TNRC6C: variants seen among roughly 807,000 people sequenced by gnomAD.
The protein encoded by TNRC6C is trinucleotide repeat containing adaptor 6C.
Under a neutral mutation model 153.7 loss-of-function variants are expected in TNRC6C, and 20 were observed. The observed-to-expected ratio is 0.13, with a 90% confidence interval of 0.09 to 0.19. The LOEUF (loss-of-function observed/expected upper bound fraction) is 0.19, where lower values mean the gene tolerates loss of function less well. Ranked by LOEUF, TNRC6C falls within the 10% of genes least tolerant of loss-of-function variation. The pLI, the probability that TNRC6C is intolerant of heterozygous loss-of-function variation, is 1.00. For synonymous variants in TNRC6C, 811 were observed against 841.4 expected (o/e 0.96, Z 0.63); for missense variants, 1,987 against 2,172.0 (o/e 0.91, Z 1.69).
rs557917220 is a variant in TNRC6C, at chr17:77,995,883, G to A, written c.-37-8287G>A. 2.6e-5 allele frequency among the ~76,000 whole-genome samples: 4 copies of A among 152,240 alleles called. 1 individual carries two copies. Among genetic ancestry groups the A allele is most frequent in the African/African-American group, 9.6e-5 (4 of 41,522 alleles). On this transcript the variant is annotated intron_variant, in intron 1 of 22. Coordinates refer to the TNRC6C transcript ENST00000636222. The stretch of plus-strand genomic sequence containing the variant: ...TTAAAACTCCCATACTTCTAGCATG[G>A]GCAACACAGCAAGACACTGTCTCCA...
chr17:77,971,382 C>G (rs962755474), intron 1 of TNRC6C, among the ~76,000 whole-genome samples: 1 of 152,182 alleles, frequency 6.6e-6, no homozygotes, highest in Non-Finnish European at 1.5e-5. Flanking sequence ...TTTCTCTTCT[C>G]TATTCATTCC....
At chr17:78,039,270 T>C (rs1380229235) in intron 2 of TNRC6C, among the ~76,000 whole-genome samples, 1 of 151,316 alleles carries the variant, frequency 6.6e-6, no homozygotes, top group Non-Finnish European at 1.5e-5. Flanking sequence ...GAACTTTTGC[T>C]AGGCTGCAGG....
chr17:77,957,629 C>T (rs2070817988), upstream of TNRC6C, among the ~76,000 whole-genome samples: 1 of 152,244 alleles, frequency 6.6e-6, no homozygotes, highest in Admixed American at 6.5e-5. Flanking sequence ...TTCCAAGTAG[C>T]ACTGCTGATC....
intron 1 of TNRC6C, among the ~76,000 whole-genome samples, chr17:77,979,618 A>T (rs2071045971): frequency 6.6e-6 from 1 of 152,178 alleles, no homozygotes; most frequent in Admixed American, 6.5e-5. Context: ...TAAAATACTT[A>T]TAATTGGAAT....
intron 6 of TNRC6C, 146 bp from the exon 9 acceptor site, chr17:78,072,891 T>C (rs887561144): frequency 1.9e-5 from 10 of 531,210 alleles, no homozygotes; most frequent in East Asian, 3.1e-5. Context: ...TCAAAAGACA[T>C]TGTCTCTAAC....
chr17:78,067,664 T>C (rs2072908555), intron 4 of TNRC6C, 93 bp from the exon 7 acceptor site: 1 of 1,379,942 alleles, frequency 7.2e-7, no homozygotes, highest in Non-Finnish European at 9.7e-7. Context: ...AATGCATCAT[T>C]TGTCCCACGA....
At chr17:78,036,850 G>A (rs1366612883) in intron 2 of TNRC6C, among the ~76,000 whole-genome samples, 4 of 151,656 alleles carry the variant, frequency 2.6e-5, no homozygotes, top group Admixed American at 6.6e-5. Context: ...CTTGAATCCA[G>A]GAGGCAGAGG....
intron 1 of TNRC6C, among the ~76,000 whole-genome samples, chr17:77,993,321 C>T (rs548323458): frequency 6.6e-6 from 1 of 152,296 alleles, no homozygotes; most frequent in Admixed American, 6.5e-5. Context: ...ATTAGCAGTA[C>T]ATTGACTTTA....
chr17:78,049,152 C>A lies in TNRC6C; in HGVS notation c.90C>A (p.Ser30Arg). 6.2e-7 allele frequency: 1 copy of A among 1,611,250 alleles called. No individual in the cohort carries two copies. Residue 30 changes from serine (S) to arginine (R), a missense_variant, in exon 3 of 20, where the codon AGC becomes AGA. Physicochemically the swap from Ser to Arg is moderately radical, Grantham distance 110. This residue lies in a region of TNRC6C where 1,052 missense variants were observed against 1,017.0 expected (regional missense o/e 1.03). Coordinates refer to ENST00000301624, the Ensembl canonical transcript of TNRC6C. The surrounding 1 kb of genome is among the most constrained non-coding windows in gnomAD (Gnocchi z 4.1). ...GCACCAATGGCGCACTCGTCCAAAG[C>A]CCTTCTAATCAGAGTGCCCTTGGAG...
At chr17:78,101,810 G>T (rs1056358630) in intron 17 of TNRC6C, among the ~76,000 whole-genome samples, 34 of 152,206 alleles carry the variant, frequency 2.2e-4, no homozygotes, top group Non-Finnish European at 2.6e-4. Context: ...GCAGTCTTCC[G>T]CCCTGGGTGG....
intron 13 of TNRC6C, among the ~76,000 whole-genome samples, chr17:78,089,610 CT>C (rs1256901247): frequency 1.3e-5 from 2 of 152,074 alleles, no homozygotes; most frequent in African/African-American, 2.4e-5. Context: ...TATTCTCAGT[CT>C]TTTGCCACCT....
chr17:77,972,336 A>G (rs1472752228), intron 1 of TNRC6C, among the ~76,000 whole-genome samples: 1 of 152,152 alleles, frequency 6.6e-6, no homozygotes, highest in Non-Finnish European at 1.5e-5. Flanking sequence ...AACATGGTGA[A>G]ACCCCATCTC....
chr17:78,102,454 G>A lies in TNRC6C; in HGVS notation c.4502-20G>A, dbSNP rs1174350858. The A allele has an allele frequency of 6.3e-6, 10 of 1,599,928 alleles. No homozygotes were observed. Among genetic ancestry groups the A allele is most frequent in the Non-Finnish European group, 8.5e-7 (1 of 1,173,378 alleles). ...ACTGGCACGGGGCCTTGTCAACCAG[G>A]TTCTCCCCTCTTGTTGCAGGTTCTG... On this transcript the variant is annotated intron_variant, in intron 17 of 19. Coordinates refer to ENST00000301624, the Ensembl canonical transcript of TNRC6C.
chr17:77,984,229 G>C (rs1427574346), intron 1 of TNRC6C, among the ~76,000 whole-genome samples: 1 of 152,016 alleles, frequency 6.6e-6, no homozygotes, highest in Non-Finnish European at 1.5e-5. Context: ...GAGGAGAAAA[G>C]GGTCTTCCCA....
chr17:78,004,992 T>G, upstream of TNRC6C: 1 of 1,122,224 alleles, frequency 8.9e-7, no homozygotes, highest in Non-Finnish European at 1.1e-6. Flanking sequence ...TTCATAGATG[T>G]GTACATTCTA....
intron 5 of TNRC6C, among the ~76,000 whole-genome samples, chr17:78,068,730 G>C (rs2072931222): frequency 6.6e-6 from 1 of 152,072 alleles, no homozygotes; most frequent in African/African-American, 2.4e-5. Context: ...GGAGGCGGAG[G>C]TTGCAGTTGC....
chr17:78,002,086 T>G (rs897849506), upstream of TNRC6C, among the ~76,000 whole-genome samples: 8 of 151,370 alleles, frequency 5.3e-5, no homozygotes, highest in African/African-American at 1.7e-4. Flanking sequence ...ATACATTTGT[T>G]TTTTTTTTCT....
At chr17:77,982,845 G>T (rs2071100371) in intron 1 of TNRC6C, among the ~76,000 whole-genome samples, 1 of 152,060 alleles carries the variant, frequency 6.6e-6, no homozygotes, top group Non-Finnish European at 1.5e-5. Flanking sequence ...AAAAGGACAA[G>T]TTCAAAACAA....
intron 1 of TNRC6C, among the ~76,000 whole-genome samples, chr17:77,990,359 G>A (rs1455021927): frequency 6.6e-6 from 1 of 152,068 alleles, no homozygotes; most frequent in African/African-American, 2.4e-5. Flanking sequence ...TTCTTCATTG[G>A]CTTCTCATTG....
Sources: allele counts gnomAD v4.1 joint callset (sites outside exome capture counted in the v4.1 genomes callset), GRCh38; gene constraint gnomAD v4.1.1; regional missense constraint gnomAD v4.1.1; non-coding constraint Gnocchi (gnomAD v3.1); transcripts MANE v1.5; gene names NCBI Gene and HGNC (gene_info 2026-07-23, HGNC 2026-07-21).